Variants in TPM4 observed in about 807,000 individuals in gnomAD.
TPM4 encodes the protein tropomyosin 4.
TPM4 carries 17 observed loss-of-function variants against 35.8 expected under a neutral mutation model. The ratio of observed to expected loss-of-function variants is 0.47; its 90% confidence interval spans 0.32 to 0.71. The LOEUF is 0.71. Among genes scored for constraint, TPM4 ranks in the 30% least tolerant of loss-of-function variants. TPM4 has a pLI of 0.03. For synonymous variants in TPM4, 120 were observed against 122.9 expected (o/e 0.98, Z 0.15); for missense variants, 240 against 320.9 (o/e 0.75, Z 1.93).
chr19:16,076,374 G>T, upstream of TPM4: 10 of 1,417,950 alleles, frequency 7.1e-6, no homozygotes, highest in Non-Finnish European at 9.1e-6. Flanking sequence ...TCCCCCAGCG[G>T]TGCTGACGTC....
upstream of TPM4, chr19:16,076,250 G>C: frequency 6.5e-7 from 1 of 1,541,402 alleles, no homozygotes; most frequent in Non-Finnish European, 8.7e-7. Flanking sequence ...GAGAGCCGCA[G>C]GGGGAGGAGG....
chr19:16,079,459 G>C (rs2090454676), intron 1 of TPM4, among the ~76,000 whole-genome samples: 1 of 152,182 alleles, frequency 6.6e-6, no homozygotes, highest in African/African-American at 2.4e-5. Flanking sequence ...CCCATTCATG[G>C]GAAGGCCTCA....
At position 16,076,552 on chromosome 19, in the gene TPM4, TGCGCCTCC is replaced by T. The variant is rs1429009531; in HGVS notation, c.-8_-1del. 2.8e-6 allele frequency: 4 copies of T among 1,452,022 alleles called. No individual in the cohort carries two copies. The highest frequency in any genetic ancestry group is 2.6e-5 in the Admixed American group (1 of 38,880). 89.9% of individuals were successfully genotyped at this position (1,452,022 alleles called of 1,614,324 possible). ...GCGTCCGCCGCTGCCCGTGCGCCTC[TGCGCCTCC>T]GCGCCATGGCCGGCCTCAACTCCCT... On this transcript the variant is annotated 5_prime_UTR_variant, in exon 1 of 8. Coordinates refer to ENST00000643579, the MANE Select transcript of TPM4 (RefSeq NM_003290.3).
At chr19:16,084,463 G>A (rs989547401) in intron 2 of TPM4, among the ~76,000 whole-genome samples, 1 of 152,212 alleles carries the variant, frequency 6.6e-6, no homozygotes, top group Non-Finnish European at 1.5e-5. Flanking sequence ...CCTGTGGCCT[G>A]GGTTAGCTGC....
At chr19:16,088,862 T>A in intron 4 of TPM4, 183 bp from the exon 5 acceptor site, 1 of 1,405,852 alleles carries the variant, frequency 7.1e-7, no homozygotes. Context: ...ATGATAAGCC[T>A]TTGATAAGCC....
chr19:16,078,712 G>A (rs2090443144), intron 1 of TPM4, among the ~76,000 whole-genome samples: 5 of 151,760 alleles, frequency 3.3e-5, no homozygotes, highest in African/African-American at 1.2e-4. Flanking sequence ...TGTTTTTGGA[G>A]AGTTGAAGAC....
chr19:16,094,880 T>C (rs560187603), intron 7 of TPM4, among the ~76,000 whole-genome samples: 120 of 152,296 alleles, frequency 7.9e-4, no homozygotes, highest in African/African-American at 2.8e-3. Flanking sequence ...CAATGTTTTT[T>C]TGGGGAAGTG....
intron 4 of TPM4, chr19:16,088,359 A>G (rs2090585065): frequency 7.7e-7 from 1 of 1,304,702 alleles, no homozygotes; most frequent in Non-Finnish European, 9.8e-7. Context: ...GCAGCAGGGA[A>G]GCCCAGAAGT....
rs1240682554 is a variant in TPM4, at chr19:16,076,612, C to G, written c.47C>G (p.Ala16Gly). The G allele has an allele frequency of 2.7e-6, 4 of 1,466,274 alleles. No homozygotes were observed. The highest frequency in any genetic ancestry group is 3.6e-6 in the Non-Finnish European group (4 of 1,115,354). The allele number at this position is 1,466,274 out of a possible 1,614,324, so 90.8% of individuals were successfully genotyped here. A position where few individuals can be genotyped will look rare whatever the true frequency, so the allele number is the denominator to read the frequency against. ...SLEAVKRKIQALQQQADEAED... is the reference protein window; with the variant it reads ...SLEAVKRKIQGLQQQADEAED... ...GAGGCGGTGAAACGCAAGATCCAGG[C>G]CCTGCAGCAGCAGGCGGACGAGGCG... Residue 16 changes from alanine (A) to glycine (G), a missense_variant, in exon 1 of 8, where the codon GCC (alanine) becomes GGC (glycine). Transcript: ENST00000643579.
chr19:16,074,892 G>A (rs976411290), upstream of TPM4: 1 of 152,258 alleles, frequency 6.6e-6, no homozygotes, highest in Non-Finnish European at 1.5e-5. Context: ...AGGAGTTTGA[G>A]ACCTGCCTGG....
At chr19:16,081,120 A>G (rs1297357037) in intron 1 of TPM4, 7 of 398,326 alleles carry the variant, frequency 1.8e-5, no homozygotes, top group Non-Finnish European at 2.7e-5. Flanking sequence ...ATAGTCTTGC[A>G]TTTATCTTGC....
chr19:16,101,234 A>T, intron 7 of TPM4, 30 bp from the exon 8 acceptor site: 1 of 1,510,686 alleles, frequency 6.6e-7, no homozygotes, highest in Non-Finnish European at 8.9e-7. Context: ...TTATTAATTT[A>T]TCTTTCCCCA....
intron 3 of TPM4, 124 bp from the exon 4 acceptor site, chr19:16,087,903 G>T: frequency 3.8e-6 from 4 of 1,039,162 alleles, no homozygotes; most frequent in Non-Finnish European, 5.8e-6. Context: ...AGAAACACCA[G>T]AAAAACCCAT....
At chr19:16,077,950 T>C (rs2090433370) in intron 1 of TPM4, 1 of 367,628 alleles carries the variant, frequency 2.7e-6, no homozygotes, top group African/African-American at 2.2e-5. Context: ...TTATTTTGGA[T>C]TTTTAGTAGA....
In TPM4 at chr19:16,101,016, A is replaced by G. The variant is rs148426687; in HGVS notation, c.665-248A>G. 7.2e-3 allele frequency: 2,250 copies of G among 313,060 alleles called. 40 individuals carry two copies. Among genetic ancestry groups the G allele is most frequent in the African/African-American group, 0.045 (2,026 of 45,236 alleles). The allele number at this position is 313,060 out of a possible 1,614,324, so 19.4% of individuals were successfully genotyped here. ...GAAACCCCATCTCTACTAAAAATAC[A>G]AAAATTAGCCGGGTGGTGGTGGCAC... On this transcript the variant is annotated intron_variant, in intron 7 of 7. Coordinates refer to ENST00000643579, the MANE Select transcript of TPM4 (RefSeq NM_003290.3).
At chr19:16,085,962 TGGA>T (rs1326235453) in intron 2 of TPM4, among the ~76,000 whole-genome samples, 1 of 149,190 alleles carries the variant, frequency 6.7e-6, no homozygotes, top group East Asian at 2.0e-4. Context: ...CCGGCTATGC[TGGA>T]GGCTGAGACA....
At chr19:16,093,794 C>G in intron 7 of TPM4, 41 bp downstream of exon 7, 1 of 1,607,498 alleles carries the variant, frequency 6.2e-7, no homozygotes, top group Non-Finnish European at 8.5e-7. Context: ...GCCCTGCCTT[C>G]CCCTCTGGGA....
At chr19:16,089,196 G>A in intron 5 of TPM4, 76 bp downstream of exon 5, 1 of 1,587,256 alleles carries the variant, frequency 6.3e-7, no homozygotes, top group Admixed American at 1.7e-5. Flanking sequence ...GCAGGAGCCT[G>A]TCAGGTTATG....
intron 7 of TPM4, chr19:16,095,177 G>A (rs2090679172): frequency 1.2e-6 from 1 of 867,914 alleles, no homozygotes; most frequent in Non-Finnish European, 1.4e-6. Flanking sequence ...TCTTCCTCTT[G>A]TGGTTCATCT....
Sources: gnomAD v4.1 joint callset for allele counts (sites outside exome capture counted in the v4.1 genomes callset) on GRCh38, gnomAD v4.1.1 for gene constraint, MANE v1.5 for transcripts, NCBI Gene and HGNC (gene_info 2026-07-23, HGNC 2026-07-21) for gene names.